Variants in MAGI3 observed in about 807,000 individuals in gnomAD.
MAGI3 encodes membrane-associated guanylate kinase, WW and PDZ domain-containing protein 3.
Under a neutral mutation model 121.8 loss-of-function variants are expected in MAGI3, and 43 were observed. The ratio of observed to expected loss-of-function variants is 0.35; its 90% CI spans 0.28 to 0.46. MAGI3 has a LOEUF of 0.46. Ranked by LOEUF, MAGI3 falls within the 20% of genes least tolerant of loss-of-function variation. The pLI, the probability that MAGI3 is intolerant of heterozygous loss-of-function variation, is 1.00. For synonymous variants in MAGI3, 553 were observed against 639.3 expected, an observed-to-expected ratio of 0.86 and a Z score of 2.04; for missense variants, 1,547 against 1,797.3, an observed-to-expected ratio of 0.86 and a Z score of 2.52.
At chr1:113,643,598 G>A in intron 10 of MAGI3, 145 bp from the exon 11 acceptor site, 1 of 690,596 alleles carries the variant, frequency 1.4e-6, no homozygotes, top group Non-Finnish European at 2.6e-6. Flanking sequence ...GATAATATAT[G>A]TATAATGCCT....
chr1:113,405,719 C>G lies in MAGI3; in HGVS notation c.316+14370C>G, dbSNP rs191158777. ...CTGGACTGTCTGTGTCTGTGGCTCA[C>G]AACCTCAACTTCTCTGCTGCCTTTG... On this transcript the variant is annotated intron_variant, in intron 1 of 20. Coordinates refer to ENST00000307546, the MANE Select transcript of MAGI3 (RefSeq NM_001142782.2). Among the ~76,000 whole-genome samples the G allele has an allele frequency of 2.0e-3, 298 of 152,170 alleles. 4 individuals carry two copies. The highest frequency in any genetic ancestry group is 7.0e-3 in the African/African-American group (289 of 41,526).
At chr1:113,488,358 T>C (rs990646354) in intron 1 of MAGI3, among the ~76,000 whole-genome samples, 7 of 152,194 alleles carry the variant, frequency 4.6e-5, no homozygotes, top group Non-Finnish European at 8.8e-5. Flanking sequence ...GAACTGTCAG[T>C]CCTCAACTCT....
chr1:113,482,764 C>T (rs1361209904), intron 1 of MAGI3, among the ~76,000 whole-genome samples: 2 of 151,310 alleles, frequency 1.3e-5, no homozygotes, highest in East Asian at 3.9e-4. Flanking sequence ...AGGCATGATG[C>T]CCTTTGGAAT....
Position 113,399,482 on chromosome 1 carries a change from C to T in MAGI3, c.316+8133C>T, listed in dbSNP as rs572493581. 7.8e-4 allele frequency among the ~76,000 whole-genome samples: 119 copies of T among 152,142 alleles called. 2 individuals carry two copies. The highest frequency in any genetic ancestry group is 2.8e-3 in the African/African-American group (115 of 41,516). Reference sequence around the variant, plus strand: ...ACATTTAATCTCTCTTACTTGGAGGCCAGAAGTAGTACACAGTTGTCATAA... The same window carrying T: ...ACATTTAATCTCTCTTACTTGGAGGTCAGAAGTAGTACACAGTTGTCATAA... On this transcript the variant is annotated intron_variant, in intron 1 of 20. Transcript: ENST00000307546.
chr1:113,485,872 T>C lies in MAGI3; in HGVS notation c.317-63643T>C, dbSNP rs562173544. On this transcript the variant is annotated intron_variant, in intron 1 of 20. Coordinates refer to ENST00000307546, the MANE Select transcript of MAGI3 (RefSeq NM_001142782.2). ...GAGAGATGAGTATTCAGTTTCATTT[T>C]TCTACATCTGACTTGCCAATTACCC... Among the ~76,000 whole-genome samples, 19 of 152,338 alleles carry C rather than the reference T, an allele frequency of 1.2e-4. No individual in the cohort carries two copies. In the South Asian group the frequency reaches 3.5e-3, roughly 28 times the overall value.
At chr1:113,470,041 C>T (rs1397436097) in intron 1 of MAGI3, among the ~76,000 whole-genome samples, 1 of 152,108 alleles carries the variant, frequency 6.6e-6, no homozygotes, top group Non-Finnish European at 1.5e-5. Flanking sequence ...TTTGCTAATT[C>T]ACACACATTT....
intron 1 of MAGI3, among the ~76,000 whole-genome samples, chr1:113,461,287 C>T (rs1409416009): frequency 6.6e-6 from 1 of 152,074 alleles, no homozygotes; most frequent in Non-Finnish European, 1.5e-5. Flanking sequence ...GAATCCTAAG[C>T]AAAAAGAACA....
intron 9 of MAGI3, among the ~76,000 whole-genome samples, chr1:113,627,981 C>G (rs1421181293): frequency 6.6e-6 from 1 of 151,998 alleles, no homozygotes; most frequent in Non-Finnish European, 1.5e-5. Flanking sequence ...CTCATCTTCT[C>G]TATGTCTTTT....
In MAGI3 at chr1:113,646,517, T is replaced by G. The variant is rs1652852028; in HGVS notation, c.2030T>G (p.Leu677Trp). The G allele has an allele frequency of 6.2e-7, 1 of 1,609,308 alleles. No individual in the cohort carries two copies. The highest frequency in any genetic ancestry group is 8.5e-7 in the Non-Finnish European group (1 of 1,178,108). ...GATAAAAAGGAAAATGCAGGAAGTT[T>G]GGAGGCCATAAATGAGCCTATTCCT... ...KTDKKENAGS[L>W]EAINEPIPQP... The change falls in exon 12 of 21, where the codon TTG becomes TGG. Residue 677 changes from leucine to tryptophan, a missense_variant. By Grantham distance (61) the Leu-to-Trp change is moderately conservative. Coordinates refer to ENST00000307546, the MANE Select transcript of MAGI3 (RefSeq NM_001142782.2).
At chr1:113,420,412 G>C (rs1652679003) in intron 1 of MAGI3, among the ~76,000 whole-genome samples, 1 of 152,184 alleles carries the variant, frequency 6.6e-6, no homozygotes, top group South Asian at 2.1e-4. Flanking sequence ...CTAAAAGAAA[G>C]ACTGAAAACA....
At chr1:113,433,575 AC>A (rs1194196821) in intron 1 of MAGI3, among the ~76,000 whole-genome samples, 15 of 152,218 alleles carry the variant, frequency 9.9e-5, no homozygotes, top group African/African-American at 2.9e-4. Flanking sequence ...AAGAGGCTAT[AC>A]AGCTTTAATC....
intron 1 of MAGI3, among the ~76,000 whole-genome samples, chr1:113,439,839 G>A (rs1257016121): frequency 6.6e-6 from 1 of 150,814 alleles, no homozygotes; most frequent in Non-Finnish European, 1.5e-5. Context: ...TCAGAAAACT[G>A]AAATTAATTA....
intron 9 of MAGI3, among the ~76,000 whole-genome samples, chr1:113,632,713 T>G (rs1651710322): frequency 1.3e-5 from 2 of 152,218 alleles, no homozygotes; most frequent in African/African-American, 4.8e-5. Flanking sequence ...AATTTTTTGT[T>G]GCTTGTTTCA....
At chr1:113,613,684 G>A (rs1557852937) in intron 6 of MAGI3, among the ~76,000 whole-genome samples, 1 of 152,136 alleles carries the variant, frequency 6.6e-6, no homozygotes, top group Non-Finnish European at 1.5e-5. Flanking sequence ...GTGCACAACA[G>A]TGGACTTTTA....
chr1:113,403,037 A>T (rs1570621072), intron 1 of MAGI3, among the ~76,000 whole-genome samples: 1 of 152,146 alleles, frequency 6.6e-6, no homozygotes, highest in East Asian at 1.9e-4. Context: ...TTGCAATATC[A>T]GTCAGGGTTC....
intron 9 of MAGI3, 112 bp downstream of exon 9, chr1:113,623,106 A>T: frequency 1.4e-6 from 1 of 737,044 alleles, no homozygotes; most frequent in Non-Finnish European, 2.0e-6. Flanking sequence ...ATAACTAAAG[A>T]AAGAGATTCC....
chr1:113,497,032 CA>C (rs1261102895), intron 1 of MAGI3, among the ~76,000 whole-genome samples: 1 of 152,146 alleles, frequency 6.6e-6, no homozygotes, highest in Non-Finnish European at 1.5e-5. Context: ...CAAAGGCAGG[CA>C]GATCACTTGA....
chr1:113,562,670 C>T (rs1423027395), intron 2 of MAGI3, among the ~76,000 whole-genome samples: 2 of 152,064 alleles, frequency 1.3e-5, no homozygotes, highest in Non-Finnish European at 2.9e-5. Context: ...GAACAACACA[C>T]ACTGGGGCCT....
intron 1 of MAGI3, among the ~76,000 whole-genome samples, chr1:113,458,354 C>G (rs1231396557): frequency 6.6e-6 from 1 of 152,076 alleles, no homozygotes; most frequent in Non-Finnish European, 1.5e-5. Context: ...ATGCTGTTTG[C>G]TGAAATGGGC....
Sources: allele counts gnomAD v4.1 joint callset (sites outside exome capture counted in the v4.1 genomes callset), GRCh38; gene constraint gnomAD v4.1.1; transcripts MANE v1.5; gene names NCBI Gene and HGNC (gene_info 2026-07-23, HGNC 2026-07-21).